The following TTF2 variants were observed in gnomAD, a reference collection of about 807,000 sequenced individuals.
TTF2 encodes the protein transcription termination factor 2.
TTF2 carries 108 observed loss-of-function variants against 142.4 expected under a neutral mutation model. The observed-to-expected ratio is 0.76, with a 90% CI of 0.65 to 0.89. The LOEUF (loss-of-function observed/expected upper bound fraction) is 0.89. Ranked by LOEUF, TTF2 falls within the 40% of genes least tolerant of loss-of-function variation. TTF2 has a pLI of 0.00. For missense variants in TTF2, 1,327 were observed against 1,379.8 expected, an observed-to-expected ratio of 0.96 and a Z score of 0.61; for synonymous variants, 483 against 506.2, an observed-to-expected ratio of 0.95 and a Z score of 0.61.
rs771755266 is a variant in TTF2, at chr1:117,095,351, T to C, written c.3019T>C (p.Ser1007Pro). 17 of 1,614,056 alleles carry C rather than the reference T, an allele frequency of 1.1e-5. No individual in the cohort carries two copies. The highest frequency in any genetic ancestry group is 1.3e-5 in the Non-Finnish European group (15 of 1,180,014). ...AGAATTGGAGGCAATTCAAAGAAAT[T>C]CAGCATCCCAAAAGAGGTAACTGCG... ...LAELEAIQRN[S>P]ASQKSVIVSQ... is the part of the protein sequence containing the mutation. The change falls in exon 19 of 23, where the codon TCA becomes CCA. Residue 1007 changes from serine (S) to proline (P), a missense_variant. Physicochemically the swap from Ser to Pro is moderately conservative, Grantham distance 74. Coordinates refer to ENST00000369466, the MANE Select transcript of TTF2 (RefSeq NM_003594.4).
intron 3 of TTF2, among the ~76,000 whole-genome samples, chr1:117,066,647 G>A (rs982091361): frequency 2.3e-4 from 35 of 151,436 alleles, no homozygotes; most frequent in Non-Finnish European, 4.0e-4. Flanking sequence ...AATGTTGGTC[G>A]AGTATTGGGA....
rs775004518 is a variant in TTF2 at position 117,106,675 on chromosome 1, A to G, written c.*5151A>G. On this transcript the variant is annotated 3_prime_UTR_variant, in exon 23 of 23. Transcript: ENST00000369466. ...TGCGGCTGGGAGGGCTTATAACAGG[A>G]TTTGACCTAGTTAGGGAAGATCTGA... is the stretch of plus-strand genomic sequence containing the variant. The G allele has an allele frequency of 2.0e-5, 3 of 152,200 alleles. No homozygotes were observed. The highest frequency in any genetic ancestry group is 4.4e-5 in the Non-Finnish European group (3 of 68,054). 9.4% of individuals were successfully genotyped at this position (152,200 alleles called of 1,614,324 possible). A position where few individuals can be genotyped will look rare whatever the true frequency, so the allele number is the denominator to read the frequency against.
Position 117,079,454 on chromosome 1 carries a change from A to G in TTF2, c.1702-114A>G. 1.0e-6 allele frequency: 1 copy of G among 965,254 alleles called. No individual in the cohort carries two copies. The highest frequency in any genetic ancestry group is 1.5e-5 in the South Asian group (1 of 68,662). The allele number at this position is 965,254 out of a possible 1,614,324, so 59.8% of individuals were successfully genotyped here. A position where few individuals can be genotyped will look rare whatever the true frequency, so the allele number is the denominator to read the frequency against. On this transcript the variant is annotated intron_variant, in intron 8 of 22. Transcript: ENST00000369466. The surrounding 1 kb of genome is among the most constrained non-coding windows in gnomAD (Gnocchi z 4.2). ...TCAAGGTGAAATGAACTGTCTACAGAATACTGAGGGAATCATTTGTAGAAA... is the reference window on the plus strand; with the variant it reads ...TCAAGGTGAAATGAACTGTCTACAGGATACTGAGGGAATCATTTGTAGAAA...
chr1:117,092,046 G>C lies in TTF2; in HGVS notation c.2805+96G>C, dbSNP rs1648647318. On this transcript the variant is annotated intron_variant, in intron 17 of 22. Coordinates refer to ENST00000369466, the MANE Select transcript of TTF2 (RefSeq NM_003594.4). The surrounding 1 kb of genome is among the most constrained non-coding windows in gnomAD (Gnocchi z 4.4). ...CCTCCAACTGGAATCCAGTCTGCTT[G>C]ATCAAAGGAAATGCTGTTTCGGTTT... The C allele has an allele frequency of 1.5e-6, 2 of 1,317,656 alleles. No individual in the cohort carries two copies. The highest frequency in any genetic ancestry group is 5.0e-5 in the East Asian group (2 of 39,924). The allele number at this position is 1,317,656 out of a possible 1,614,324, so 81.6% of individuals were successfully genotyped here.
chr1:117,091,238 T>A, intron 15 of TTF2, 90 bp from the exon 16 acceptor site: 1 of 1,044,048 alleles, frequency 9.6e-7, no homozygotes, highest in Non-Finnish European at 1.4e-6. Context: ...ACAAGTCTTC[T>A]ATAATTTGTC....
intron 10 of TTF2, 103 bp downstream of exon 10, chr1:117,082,050 T>G (rs1464383293): frequency 6.5e-7 from 1 of 1,541,974 alleles, no homozygotes; most frequent in Admixed American, 1.7e-5. Flanking sequence ...TCATATTTAA[T>G]TACTCTACTG....
rs986145400 is a variant in TTF2 at position 117,099,029 on chromosome 1, C to T, written c.3344+122C>T. 4.6e-6 allele frequency: 4 copies of T among 876,974 alleles called. No individual in the cohort carries two copies. Among genetic ancestry groups the T allele is most frequent in the African/African-American group, 1.7e-5 (1 of 57,860 alleles). The allele number at this position is 876,974 out of a possible 1,614,324, so 54.3% of individuals were successfully genotyped here. On this transcript the variant is annotated intron_variant, in intron 22 of 22. Transcript: ENST00000369466. This position sits in a 1 kb window ranked among gnomAD's most constrained non-coding sequence, Gnocchi z 4.3. ...TGGTGATGACTTTACTGATGATGCC[C>T]CTGAGGCATACCTTCAGGCAAACCA... is the stretch of plus-strand genomic sequence containing the variant.
At chr1:117,091,670 T>C in intron 16 of TTF2, 147 bp from the exon 17 acceptor site, 4 of 1,071,032 alleles carry the variant, frequency 3.7e-6, no homozygotes, top group East Asian at 2.5e-5. Flanking sequence ...TTTGGCCTAA[T>C]TGAAGTGGCC....
rs1286263167 is a variant in TTF2, at chr1:117,106,946, A to C, written c.*5422A>C. On this transcript the variant is annotated 3_prime_UTR_variant, in exon 23 of 23. Transcript: ENST00000369466. ...ATTATCCAAGACAGCCAAGGTGTTT[A>C]TCCTGTTACAACATCCCAGAGGACA... The C allele has an allele frequency of 6.6e-6, 1 of 152,244 alleles. No individual in the cohort carries two copies. Among genetic ancestry groups the C allele is most frequent in the Non-Finnish European group, 1.5e-5 (1 of 68,048 alleles). The allele number at this position is 152,244 out of a possible 1,614,324, so 9.4% of individuals were successfully genotyped here. A position where few individuals can be genotyped will look rare whatever the true frequency, so the allele number is the denominator to read the frequency against.
At chr1:117,096,336 G>A in intron 20 of TTF2, 37 bp downstream of exon 20, 1 of 1,601,014 alleles carries the variant, frequency 6.2e-7, no homozygotes, top group Non-Finnish European at 8.5e-7. Context: ...ATAATTAACT[G>A]TTCTGAGTTA....
In TTF2 at chr1:117,107,101, T is replaced by A. The variant is rs1318132955; in HGVS notation, c.*5577T>A. Reference sequence around the variant, plus strand: ...TGATTTCTGAAGCACTTTGTTACACTGGGGACAGCTCCTAAATCCTCCCAC... The same window carrying A: ...TGATTTCTGAAGCACTTTGTTACACAGGGGACAGCTCCTAAATCCTCCCAC... On this transcript the variant is annotated 3_prime_UTR_variant, in exon 23 of 23. Transcript: ENST00000369466. 1 of 152,204 alleles carries A rather than the reference T, an allele frequency of 6.6e-6. No individual in the cohort carries two copies. The highest frequency in any genetic ancestry group is 1.5e-5 in the Non-Finnish European group (1 of 68,030). The allele number at this position is 152,204 out of a possible 1,614,324, so 9.4% of individuals were successfully genotyped here.
At position 117,091,390 on chromosome 1, in the gene TTF2, C is replaced by T; in HGVS notation, c.2651C>T (p.Pro884Leu). 1.2e-6 allele frequency: 2 copies of T among 1,613,444 alleles called. No individual in the cohort carries two copies. The highest frequency in any genetic ancestry group is 1.1e-5 in the South Asian group (1 of 90,990). The change falls in exon 16 of 23, where the codon CCT (proline) becomes CTT (leucine). Residue 884 changes from proline (P) to leucine (L), a missense_variant. Coordinates refer to ENST00000369466, the MANE Select transcript of TTF2 (RefSeq NM_003594.4). ...ESRGNQSGRS[P>L]NNPFSRVALE... ...AGAGGCAACCAATCTGGAAGAAGCC[C>T]TAATAATCCATTCAGTAGAGGTAAG...
chr1:117,060,591 T>G, intron 2 of TTF2, 34 bp downstream of exon 2: 1 of 1,557,422 alleles, frequency 6.4e-7, no homozygotes, highest in Admixed American at 1.9e-5. Context: ...TCCCTGTGGC[T>G]GCCCGGGGCC....
In TTF2 at chr1:117,060,350, G is replaced by A. The variant is rs760140313; in HGVS notation, c.4G>A (p.Glu2Lys). Residue 2 changes from glutamate (E) to lysine (K), a missense_variant, in exon 1 of 23, where the codon GAA becomes AAA. By Grantham distance (56) the Glu-to-Lys change is moderately conservative. Transcript: ENST00000369466. Reference protein sequence around the residue: MEEVRCPEHGTF... With the variant: MKEVRCPEHGTF... ...GGAACTTGGGGGACCCAGCGAAATG[G>A]AAGAAGTTAGGTGTCCAGAGCACGG... The A allele has an allele frequency of 6.3e-7, 1 of 1,597,564 alleles. No individual in the cohort carries two copies. The highest frequency in any genetic ancestry group is 8.5e-7 in the Non-Finnish European group (1 of 1,172,142).
Position 117,073,341 on chromosome 1 carries a change from G to A in TTF2, c.219-320G>A, listed in dbSNP as rs1005553737. ...CCCCTTCAGGGACACACAGTGTCTGGCTGTCTCTCATTTCTCTGATTTTAG... is the reference window on the plus strand; with the variant it reads ...CCCCTTCAGGGACACACAGTGTCTGACTGTCTCTCATTTCTCTGATTTTAG... On this transcript the variant is annotated intron_variant, in intron 3 of 22. Coordinates refer to ENST00000369466, the MANE Select transcript of TTF2 (RefSeq NM_003594.4). This position sits in a 1 kb window ranked among gnomAD's most constrained non-coding sequence, Gnocchi z 4.4. 5.9e-5 allele frequency among the ~76,000 whole-genome samples: 9 copies of A among 152,126 alleles called. No homozygotes were observed. Among genetic ancestry groups the A allele is most frequent in the African/African-American group, 2.2e-4 (9 of 41,400 alleles).
rs1656740361 is a variant in TTF2 at position 117,073,282 on chromosome 1, G to T, written c.219-379G>T. Among the ~76,000 whole-genome samples the T allele has an allele frequency of 6.6e-6, 1 of 151,884 alleles. No homozygotes were observed. Among genetic ancestry groups the T allele is most frequent in the Non-Finnish European group, 1.5e-5 (1 of 67,906 alleles). On this transcript the variant is annotated intron_variant, in intron 3 of 22. Coordinates refer to ENST00000369466, the MANE Select transcript of TTF2 (RefSeq NM_003594.4). This position sits in a 1 kb window ranked among gnomAD's most constrained non-coding sequence, Gnocchi z 4.4. Reference sequence around the variant, plus strand: ...GCTTCGTTGTTTTGGGGTTTTTTTTGGGGCAACATTGCTTTGTAGCTAGTG... The same window carrying T: ...GCTTCGTTGTTTTGGGGTTTTTTTTTGGGCAACATTGCTTTGTAGCTAGTG...
Position 117,090,125 on chromosome 1 carries a change from G to C in TTF2, c.2413G>C (p.Gly805Arg). 6.2e-7 allele frequency: 1 copy of C among 1,614,160 alleles called. No individual in the cohort carries two copies. Among genetic ancestry groups the C allele is most frequent in the Non-Finnish European group, 8.5e-7 (1 of 1,179,996 alleles). ...TCAGGTTGACAATGGCTCAAAGAAA[G>C]GAGGAGAACGGTTAAGTATTTTAAC... The part of the protein sequence containing the change: ...RSQVDNGSKK[G>R]GERLSILTKS... Residue 805 changes from glycine (G) to arginine (R), a missense_variant, in exon 14 of 23, where the codon GGA (glycine) becomes CGA (arginine). Transcript: ENST00000369466. The surrounding 1 kb of genome is among the most constrained non-coding windows in gnomAD (Gnocchi z 4.8).
At position 117,091,397 on chromosome 1, in the gene TTF2, T is replaced by A. The variant is rs1336959246; in HGVS notation, c.2658T>A (p.Asn886Lys). ...ACCAATCTGGAAGAAGCCCTAATAA[T>A]CCATTCAGTAGAGGTAAGCTGTAGG... ...RGNQSGRSPNNPFSRVALEFG... is the reference protein window; with the variant it reads ...RGNQSGRSPNKPFSRVALEFG... The change falls in exon 16 of 23, where the codon AAT becomes AAA. Residue 886 changes from asparagine (N) to lysine (K), a missense_variant. Physicochemically the swap from Asn to Lys is moderately conservative, Grantham distance 94. Coordinates refer to ENST00000369466, the MANE Select transcript of TTF2 (RefSeq NM_003594.4). The A allele has an allele frequency of 3.7e-6, 6 of 1,613,292 alleles. No homozygotes were observed. The highest frequency in any genetic ancestry group is 5.1e-6 in the Non-Finnish European group (6 of 1,179,892).
In TTF2 at chr1:117,073,404, G is replaced by A. The variant is rs866821514; in HGVS notation, c.219-257G>A. Among the ~76,000 whole-genome samples, 6 of 152,190 alleles carry A rather than the reference G, an allele frequency of 3.9e-5. No individual in the cohort carries two copies. Among genetic ancestry groups the A allele is most frequent in the Middle Eastern group, 3.4e-3 (1 of 294 alleles). On this transcript the variant is annotated intron_variant, in intron 3 of 22. Coordinates refer to ENST00000369466, the MANE Select transcript of TTF2 (RefSeq NM_003594.4). The surrounding 1 kb of genome is among the most constrained non-coding windows in gnomAD (Gnocchi z 4.4). ...ATCAGTGTTTCTATTTCAGTCATTC[G>A]TTACAGACTAAAAAGAATAAACCTG...
Sources: gnomAD v4.1 joint callset for allele counts (sites outside exome capture counted in the v4.1 genomes callset) on GRCh38, gnomAD v4.1.1 for gene constraint, Gnocchi (gnomAD v3.1) non-coding constraint, MANE v1.5 for transcripts, NCBI Gene and HGNC (gene_info 2026-07-23, HGNC 2026-07-21) for gene names.